Variants in CLEC4A observed in about 807,000 individuals in gnomAD.
The protein encoded by CLEC4A is C-type (calcium dependent, carbohydrate-recognition domain) lectin, superfamily member 6.
In CLEC4A, 27 loss-of-function variants were observed where a neutral mutation model predicts 32.7. The observed-to-expected ratio is 0.83, with a 90% CI of 0.61 to 1.14. CLEC4A has a LOEUF of 1.14. Ranked by LOEUF, CLEC4A falls within the 50% of genes most tolerant of loss-of-function variation. The pLI, the probability that CLEC4A is intolerant of heterozygous loss-of-function variation, is 0.00. For synonymous variants in CLEC4A, 89 were observed against 93.7 expected (o/e 0.95, Z 0.29); for missense variants, 253 against 274.6 (o/e 0.92, Z 0.55).
the CLEC4A span, among the ~76,000 whole-genome samples, chr12:8,115,883 G>A: frequency 6.6e-6 from 1 of 151,918 alleles, no homozygotes; most frequent in Non-Finnish European, 1.5e-5. Flanking sequence ...CAACCTCCTG[G>A]GCTCAAGTGA....
chr12:8,125,590 AGT>A lies in CLEC4A; in HGVS notation c.113_114del (p.Ser38LysfsTer39). On this transcript the variant is annotated frameshift_variant, in exon 2 of 6. Transcript: ENST00000229332. LOFTEE classifies it high-confidence loss of function. ...ASKERTAPHK[S>X]NTGFPKLLCA... ...CAAGGAGAGGACTGCCCCTCACAAA[AGT>A]AATACCGGATTCCCCAAGCTGCTTT... The A allele has an allele frequency of 6.2e-7, 1 of 1,612,748 alleles. No homozygotes were observed. The highest frequency in any genetic ancestry group is 1.1e-5 in the South Asian group (1 of 91,036).
At position 8,123,968 on chromosome 12, in the gene CLEC4A, T is replaced by A; in HGVS notation, c.82+8T>A. The A allele has an allele frequency of 6.3e-7, 1 of 1,579,756 alleles. No individual in the cohort carries two copies. The highest frequency in any genetic ancestry group is 8.7e-7 in the Non-Finnish European group (1 of 1,148,670). On this transcript the variant is annotated splice_region_variant and intron_variant, in intron 1 of 5. Transcript: ENST00000229332. Reference sequence around the variant, plus strand: ...ACACAGCCTCTTCTGCAGGTAAAGATCATTTTCTAGGGGTCAGAGTGAATG... The same window carrying A: ...ACACAGCCTCTTCTGCAGGTAAAGAACATTTTCTAGGGGTCAGAGTGAATG...
At chr12:8,104,721 C>G in the CLEC4A span, among the ~76,000 whole-genome samples, 1 of 152,160 alleles carries the variant, frequency 6.6e-6, no homozygotes, top group Non-Finnish European at 1.5e-5. Flanking sequence ...TCAATCCTCT[C>G]CCTTCTCCCC....
At chr12:8,130,812 T>G (rs1233869684) in intron 3 of CLEC4A, among the ~76,000 whole-genome samples, 1 of 152,232 alleles carries the variant, frequency 6.6e-6, no homozygotes, top group Non-Finnish European at 1.5e-5. Flanking sequence ...TATAGTATAC[T>G]TCTTACAACT....
chr12:8,136,203 T>C (rs1406759358), intron 4 of CLEC4A, among the ~76,000 whole-genome samples: 2 of 152,170 alleles, frequency 1.3e-5, no homozygotes, highest in African/African-American at 4.8e-5. Context: ...CTTTGAAGAA[T>C]GTAATCCCTT....
chr12:8,113,617 G>A, the CLEC4A span, among the ~76,000 whole-genome samples: 1 of 152,152 alleles, frequency 6.6e-6, no homozygotes, highest in African/African-American at 2.4e-5. Context: ...CCCATGCTCA[G>A]AATTAGCAAA....
chr12:8,122,135 T>A (rs1327432169), upstream of CLEC4A, among the ~76,000 whole-genome samples: 2 of 151,690 alleles, frequency 1.3e-5, no homozygotes, highest in Admixed American at 1.3e-4. Flanking sequence ...AGGACCTGCA[T>A]GGAGTGTCAG....
At chr12:8,131,179 A>G (rs1016890721) in intron 3 of CLEC4A, among the ~76,000 whole-genome samples, 2 of 152,204 alleles carry the variant, frequency 1.3e-5, no homozygotes, top group African/African-American at 4.8e-5. Flanking sequence ...TATCAAAATG[A>G]TTCTTGACTA....
the CLEC4A span, among the ~76,000 whole-genome samples, chr12:8,106,465 TAAA>T: frequency 1.3e-5 from 2 of 152,232 alleles, no homozygotes; most frequent in Non-Finnish European, 2.9e-5. Flanking sequence ...ATCAAATCTA[TAAA>T]TTGCTTTGGG....
the CLEC4A span, among the ~76,000 whole-genome samples, chr12:8,110,070 T>C: frequency 2.6e-5 from 4 of 152,210 alleles, no homozygotes; most frequent in African/African-American, 9.7e-5. Context: ...ATAGCTTTTA[T>C]AGTATATACC....
chr12:8,124,083 A>G (rs939942416), intron 1 of CLEC4A, 123 bp downstream of exon 1: 9 of 681,512 alleles, frequency 1.3e-5, no homozygotes, highest in Admixed American at 4.7e-5. Flanking sequence ...GGGAAACACA[A>G]GAGTCCCAGA....
In CLEC4A at chr12:8,135,598, C is replaced by T. The variant is rs1948100295; in HGVS notation, c.312C>T (p.Ser104=). The T allele has an allele frequency of 6.2e-7, 1 of 1,613,988 alleles. No homozygotes were observed. The highest frequency in any genetic ancestry group is 1.3e-5 in the African/African-American group (1 of 74,930). Residue 104 remains serine, a synonymous_variant, in exon 4 of 6, where the codon AGC becomes AGT. Coordinates refer to ENST00000229332, the MANE Select transcript of CLEC4A (RefSeq NM_016184.4). ...KNMPVEETAW[S]CCPKNWKSFS... is the part of the protein sequence containing the mutation. ...TTCCCAATACAGAGACAGCCTGGAG[C>T]TGTTGCCCAAAGAATTGGAAGTCAT...
At chr12:8,136,592 C>T (rs1322255626) in intron 4 of CLEC4A, among the ~76,000 whole-genome samples, 196 bp from the exon 5 acceptor site, 2 of 151,444 alleles carry the variant, frequency 1.3e-5, no homozygotes, top group Admixed American at 6.6e-5. Context: ...AAATTCCTTC[C>T]GTATGTACTG....
chr12:8,112,632 C>T, the CLEC4A span, among the ~76,000 whole-genome samples: 1 of 150,266 alleles, frequency 6.7e-6, no homozygotes, highest in South Asian at 2.1e-4. Flanking sequence ...GTGAGTTTGT[C>T]TTTAGTGTGT....
the CLEC4A span, among the ~76,000 whole-genome samples, chr12:8,114,804 C>T: frequency 6.6e-6 from 1 of 152,172 alleles, no homozygotes. Context: ...ATTACTGCAT[C>T]TAATGATTTT....
At chr12:8,117,648 T>C in the CLEC4A span, among the ~76,000 whole-genome samples, 1 of 152,216 alleles carries the variant, frequency 6.6e-6, no homozygotes, top group Admixed American at 6.5e-5. Context: ...AAGTCCCATC[T>C]GTTAATACTA....
intron 3 of CLEC4A, chr12:8,134,826 A>AG: frequency 6.5e-7 from 1 of 1,548,706 alleles, no homozygotes; most frequent in South Asian, 1.2e-5. Flanking sequence ...TGAGAAGGCG[A>AG]AATCCGAAGC....
the CLEC4A span, among the ~76,000 whole-genome samples, chr12:8,103,376 GTTTTTTTTTTTTTTTTT>G: frequency 1.8e-5 from 1 of 56,504 alleles, no homozygotes; most frequent in Non-Finnish European, 3.0e-5. Flanking sequence ...TCTTTCTGTT[GTTTTTTTTTTTTTTTTT>G]TTTTTTTTTT....
intron 2 of CLEC4A, among the ~76,000 whole-genome samples, chr12:8,126,916 A>G (rs1465853710): frequency 4.6e-5 from 7 of 152,164 alleles, no homozygotes; most frequent in Non-Finnish European, 1.5e-5. Flanking sequence ...TAGGTGGCAG[A>G]AAGAAACAGG....
Sources: gnomAD v4.1 joint callset for allele counts (sites outside exome capture counted in the v4.1 genomes callset) on GRCh38, gnomAD v4.1.1 for gene constraint, MANE v1.5 for transcripts, NCBI Gene and HGNC (gene_info 2026-07-23, HGNC 2026-07-21) for gene names.